The following TMEM117 variants were observed in gnomAD, a reference collection of about 807,000 sequenced individuals.
The protein encoded by TMEM117 is transmembrane protein 117.
TMEM117 carries 27 observed loss-of-function variants against 52.4 expected under a neutral mutation model. That is an observed-to-expected ratio of 0.51 (90% CI 0.38 to 0.71). TMEM117 has a LOEUF of 0.71. Among genes scored for constraint, TMEM117 ranks in the 30% least tolerant of loss-of-function variants. The probability of loss-of-function intolerance (pLI) is 0.00; values close to 1 mark genes in which losing one functional copy is unlikely to be tolerated. For missense variants in TMEM117, 556 were observed against 630.5 expected, an observed-to-expected ratio of 0.88 and a Z score of 1.26; for synonymous variants, 215 against 206.3, an observed-to-expected ratio of 1.04 and a Z score of -0.36.
rs998080810 is a variant in TMEM117 at position 43,909,941 on chromosome 12, C to G, written c.278-34269C>G. 1.9e-4 allele frequency among the ~76,000 whole-genome samples: 25 copies of G among 133,610 alleles called. 1 individual carries two copies. The highest frequency in any genetic ancestry group is 3.0e-4 in the Non-Finnish European group (18 of 60,562). 87.7% of individuals were successfully genotyped at this position (133,610 alleles called of 152,430 possible). A position where few individuals can be genotyped will look rare whatever the true frequency, so the allele number is the denominator to read the frequency against. On this transcript the variant is annotated intron_variant, in intron 2 of 7. Transcript: ENST00000266534. ...CAAGGAGGAACTGGTACCATTCCTT[C>G]TGAAACTATTCCAATCAATAGAAAA...
chr12:43,816,589 G>A, the TMEM117 span, among the ~76,000 whole-genome samples: 1 of 152,180 alleles, frequency 6.6e-6, no homozygotes, highest in African/African-American at 2.4e-5. Flanking sequence ...AGAGATGGTC[G>A]AGTAGCTGGC....
intron 3 of TMEM117, among the ~76,000 whole-genome samples, chr12:44,078,971 T>C (rs1317933095): frequency 1.3e-5 from 2 of 151,726 alleles, no homozygotes; most frequent in African/African-American, 2.4e-5. Context: ...AGTTTGGTTT[T>C]CTGTTCTTGT....
intron 3 of TMEM117, among the ~76,000 whole-genome samples, chr12:44,076,679 C>T (rs1947387841): frequency 6.6e-6 from 1 of 152,156 alleles, no homozygotes; most frequent in Non-Finnish European, 1.5e-5. Context: ...TAATCAGTGT[C>T]CACAGCAATA....
chr12:43,835,482 G>A (rs943607498), upstream of TMEM117, among the ~76,000 whole-genome samples: 4 of 150,424 alleles, frequency 2.7e-5, no homozygotes, highest in Admixed American at 2.7e-4. Context: ...GTGTGCATAT[G>A]TGTGTGTGTG....
chr12:43,905,421 A>G (rs914229741), intron 2 of TMEM117, among the ~76,000 whole-genome samples: 1 of 152,140 alleles, frequency 6.6e-6, no homozygotes. Context: ...GAAGATGATC[A>G]CCCTTCTTCT....
intron 4 of TMEM117, among the ~76,000 whole-genome samples, chr12:44,186,309 CA>C (rs561126010): frequency 1.3e-3 from 202 of 152,266 alleles, no homozygotes; most frequent in Non-Finnish European, 2.4e-3. Flanking sequence ...AGAAAGTAAT[CA>C]GAAGATTTGT....
intron 3 of TMEM117, among the ~76,000 whole-genome samples, chr12:44,119,018 G>A (rs749658227): frequency 2.6e-5 from 4 of 152,112 alleles, no homozygotes; most frequent in Admixed American, 1.3e-4. Context: ...CATAATTCAA[G>A]TTTTACTGTT....
chr12:44,093,173 T>C (rs1338139532), intron 3 of TMEM117, among the ~76,000 whole-genome samples: 1 of 152,124 alleles, frequency 6.6e-6, no homozygotes, highest in Non-Finnish European at 1.5e-5. Context: ...ATCCTATTTT[T>C]TTTCAGTGTC....
At chr12:44,014,789 TTC>T (rs1473978391) in intron 3 of TMEM117, among the ~76,000 whole-genome samples, 1 of 152,220 alleles carries the variant, frequency 6.6e-6, no homozygotes, top group Non-Finnish European at 1.5e-5. Context: ...TTCCTTCATT[TTC>T]TTTGTTCTCC....
chr12:44,340,889 C>A (rs150569495), intron 6 of TMEM117, among the ~76,000 whole-genome samples: 10 of 152,226 alleles, frequency 6.6e-5, no homozygotes, highest in African/African-American at 2.4e-4. Flanking sequence ...CTAGGGTACC[C>A]ATCACCTGAA....
At chr12:44,338,313 G>T (rs1951369422) in intron 6 of TMEM117, among the ~76,000 whole-genome samples, 1 of 152,044 alleles carries the variant, frequency 6.6e-6, no homozygotes. Context: ...CTAAAGGTTT[G>T]CAGGAGTTTT....
At chr12:44,319,166 A>G (rs1023863663) in intron 6 of TMEM117, among the ~76,000 whole-genome samples, 3 of 152,208 alleles carry the variant, frequency 2.0e-5, no homozygotes, top group African/African-American at 4.8e-5. Context: ...ATCCAAGACT[A>G]TAATGCCTGC....
chr12:43,827,610 T>C, the TMEM117 span, among the ~76,000 whole-genome samples: 1 of 152,228 alleles, frequency 6.6e-6, no homozygotes, highest in Non-Finnish European at 1.5e-5. Flanking sequence ...TATGTATTTT[T>C]AGACTTCTTT....
the TMEM117 span, chr12:43,798,621 T>TAA: frequency 5.8e-3 from 7,708 of 1,330,054 alleles, no homozygotes; most frequent in Middle Eastern, 9.4e-3. Flanking sequence ...ATCAAACTCG[T>TAA]AAAAAAAAAA....
At chr12:44,279,157 C>T (rs1950549200) in intron 5 of TMEM117, among the ~76,000 whole-genome samples, 1 of 152,148 alleles carries the variant, frequency 6.6e-6, no homozygotes, top group African/African-American at 2.4e-5. Context: ...AAGTCAAAGT[C>T]AAAAGCTATG....
At chr12:44,207,585 T>C (rs73272248) in intron 4 of TMEM117, among the ~76,000 whole-genome samples, 3,509 of 152,274 alleles carry the variant, frequency 0.023, 116 homozygotes, top group African/African-American at 0.08. Flanking sequence ...TATATGATAG[T>C]CTTGTCTTTA....
At chr12:43,869,518 T>C (rs1011983983) in intron 2 of TMEM117, among the ~76,000 whole-genome samples, 4 of 152,202 alleles carry the variant, frequency 2.6e-5, no homozygotes, top group Non-Finnish European at 5.9e-5. Context: ...TGACAGAAAC[T>C]TGTGGGCAAA....
chr12:44,069,612 A>G (rs867093194), intron 3 of TMEM117, among the ~76,000 whole-genome samples: 15 of 152,166 alleles, frequency 9.9e-5, no homozygotes, highest in African/African-American at 3.6e-4. Context: ...AGGGTCTTGG[A>G]AAGGCTGACA....
intron 6 of TMEM117, among the ~76,000 whole-genome samples, chr12:44,329,573 T>G (rs1951240776): frequency 6.6e-6 from 1 of 152,124 alleles, no homozygotes. Context: ...AATATTGTTT[T>G]CTTCAACACA....
Sources: allele counts gnomAD v4.1 joint callset (sites outside exome capture counted in the v4.1 genomes callset), GRCh38; gene constraint gnomAD v4.1.1; transcripts MANE v1.5; gene names NCBI Gene and HGNC (gene_info 2026-07-23, HGNC 2026-07-21).